TRPM1: variants seen among roughly 807,000 people sequenced by gnomAD.
TRPM1 encodes TRPM1-203 APA Isoform, Intron 10.
Under a neutral mutation model 149.4 loss-of-function variants are expected in TRPM1, and 113 were observed. The ratio of observed to expected loss-of-function variants is 0.76; its 90% CI spans 0.65 to 0.88. The LOEUF (loss-of-function observed/expected upper bound fraction) is 0.88. Among genes scored for constraint, TRPM1 ranks in the 40% least tolerant of loss-of-function variants. TRPM1 has a pLI of 0.00. For missense variants in TRPM1, 1,976 were observed against 2,038.7 expected (o/e 0.97, Z 0.59); for synonymous variants, 741 against 759.5 (o/e 0.98, Z 0.40).
In TRPM1 at chr15:31,123,640, G is replaced by A. The variant is rs572126432; in HGVS notation, c.54+37266C>T. On this transcript the variant is annotated intron_variant, in intron 1 of 26. Coordinates refer to the TRPM1 transcript ENST00000542188. ...ACATCATTTGTTATTGGGAATATAA[G>A]GAACCATGGGATACTACTACGCATC... Among the ~76,000 whole-genome samples, 141 of 152,230 alleles carry A rather than the reference G, an allele frequency of 9.3e-4. 1 individual carries two copies. The highest frequency in any genetic ancestry group is 3.3e-3 in the African/African-American group (137 of 41,542).
At chr15:31,088,539 T>A (rs1567045308) in intron 1 of TRPM1, among the ~76,000 whole-genome samples, 1 of 152,126 alleles carries the variant, frequency 6.6e-6, no homozygotes, top group Non-Finnish European at 1.5e-5. Context: ...TTAAGAGCTG[T>A]AACACTTGCT....
At chr15:31,027,667 G>A (rs1199094595) in intron 25 of TRPM1, among the ~76,000 whole-genome samples, 1 of 152,150 alleles carries the variant, frequency 6.6e-6, no homozygotes, top group African/African-American at 2.4e-5. Flanking sequence ...CCTGACCTTA[G>A]TTTTCTCATC....
chr15:31,116,715 G>T (rs933176604), intron 1 of TRPM1, among the ~76,000 whole-genome samples: 3 of 152,098 alleles, frequency 2.0e-5, no homozygotes, highest in Admixed American at 1.3e-4. Flanking sequence ...CTGAAAAACT[G>T]CAAGGCTTAG....
Position 31,050,543 on chromosome 15 carries a change from T to A in TRPM1, c.1303A>T (p.Thr435Ser), listed in dbSNP as rs2033919370. 6.2e-7 allele frequency: 1 copy of A among 1,613,988 alleles called. No homozygotes were observed. Among genetic ancestry groups the A allele is most frequent in the Admixed American group, 1.7e-5 (1 of 59,992 alleles). The stretch of plus-strand genomic sequence containing the variant: ...ATGGGTGGCTTCTTCTCCTTCTCCG[T>A]GGCTTTGCTGTCCGTCGGGGGTGCC... ...SLAPPTDSKA[T>S]EKEKKPPMAT... is the part of the protein sequence containing the mutation. The change falls in exon 12 of 28, where the codon ACG becomes TCG. Residue 435 changes from threonine (T) to serine (S), a missense_variant. Thr to Ser is a moderately conservative substitution (Grantham distance 58, BLOSUM62 1). This residue lies in a region of TRPM1 where 1,332 missense variants were observed against 1,347.1 expected (regional missense o/e 0.99). Coordinates refer to ENST00000256552, the MANE Select transcript of TRPM1 (RefSeq NM_001252024.2).
At chr15:31,094,293 A>C (rs1189579962) in intron 1 of TRPM1, among the ~76,000 whole-genome samples, 2 of 152,218 alleles carry the variant, frequency 1.3e-5, no homozygotes, top group Non-Finnish European at 2.9e-5. Flanking sequence ...CATTATCTTC[A>C]TGATCGATGG....
At chr15:31,110,648 C>T (rs185638542) in intron 1 of TRPM1, among the ~76,000 whole-genome samples, 2 of 152,252 alleles carry the variant, frequency 1.3e-5, no homozygotes, top group South Asian at 2.1e-4. Flanking sequence ...TTGCACCACT[C>T]TTCTGCACCC....
intron 1 of TRPM1, among the ~76,000 whole-genome samples, chr15:31,151,074 C>A (rs1270634955): frequency 6.6e-6 from 1 of 152,192 alleles, no homozygotes; most frequent in African/African-American, 2.4e-5. Flanking sequence ...ATTCGGCCCC[C>A]TCTCTGTGGC....
intron 1 of TRPM1, among the ~76,000 whole-genome samples, chr15:31,109,319 G>T (rs1381654454): frequency 1.1e-5 from 1 of 95,048 alleles, no homozygotes; most frequent in Admixed American, 1.7e-4. Context: ...GGGCAACAGA[G>T]TGAGACTCTG....
At chr15:31,023,106 C>A (rs2032604452) in intron 27 of TRPM1, among the ~76,000 whole-genome samples, 4 of 152,218 alleles carry the variant, frequency 2.6e-5, no homozygotes, top group African/African-American at 9.6e-5. Flanking sequence ...TGGACCAAAC[C>A]CAGACATGGC....
At chr15:31,140,161 G>C (rs1190484482) in intron 1 of TRPM1, among the ~76,000 whole-genome samples, 2 of 149,300 alleles carry the variant, frequency 1.3e-5, no homozygotes, top group African/African-American at 4.9e-5. Context: ...GAGGACAGGA[G>C]TTTGAGACCA....
At chr15:31,082,639 G>A (rs1400274867) in intron 1 of TRPM1, among the ~76,000 whole-genome samples, 1 of 152,226 alleles carries the variant, frequency 6.6e-6, no homozygotes, top group Non-Finnish European at 1.5e-5. Context: ...CGGGAAGAAA[G>A]TCCAAGAGGA....
chr15:31,113,404 A>G (rs564110490), intron 1 of TRPM1, among the ~76,000 whole-genome samples: 244 of 150,676 alleles, frequency 1.6e-3, no homozygotes, highest in Middle Eastern at 3.4e-3. Flanking sequence ...TCACCTATGC[A>G]TACAGAATTC....
At chr15:31,081,586 C>T (rs2034859981) in intron 1 of TRPM1, 148 bp from the exon 2 acceptor site, 2 of 618,366 alleles carry the variant, frequency 3.2e-6, no homozygotes, top group African/African-American at 1.8e-5. Flanking sequence ...CCATCTACCC[C>T]AACCCCTGCG....
At position 31,067,122 on chromosome 15, in the gene TRPM1, C is replaced by T. The variant is rs779226691; in HGVS notation, c.559G>A (p.Ala187Thr). 6.8e-6 allele frequency: 11 copies of T among 1,614,056 alleles called. No individual in the cohort carries two copies. Among genetic ancestry groups the T allele is most frequent in the Middle Eastern group, 1.6e-4 (1 of 6,084 alleles). ...ATGCCCCATGGAGCAATTCCTATAG[C>T]ACAAACCCGGCCTCTGGACTTGGAG... ...HSSKSRGRVC[A>T]IGIAPWGIVE... The change falls in exon 6 of 28, where the codon GCT becomes ACT. Residue 187 changes from alanine (A) to threonine (T), a missense_variant. Around this residue, in one of 3 missense-constraint regions of TRPM1, gnomAD observed 1,332 missense variants for 1,347.1 expected, o/e 0.99. Transcript: ENST00000256552.
At chr15:31,112,378 T>G (rs1325480736) in intron 1 of TRPM1, among the ~76,000 whole-genome samples, 1 of 152,192 alleles carries the variant, frequency 6.6e-6, no homozygotes, top group African/African-American at 2.4e-5. Flanking sequence ...CTCAGGAGGC[T>G]GAAGCAGGAG....
intron 1 of TRPM1, among the ~76,000 whole-genome samples, chr15:31,085,489 G>T (rs567134805): frequency 1.2e-3 from 183 of 152,294 alleles, no homozygotes; most frequent in Middle Eastern, 6.8e-3. Flanking sequence ...TGTCAACATT[G>T]TCGGGGCTTT....
At chr15:31,151,457 C>T (rs1265097053) in intron 1 of TRPM1, among the ~76,000 whole-genome samples, 1 of 152,254 alleles carries the variant, frequency 6.6e-6, no homozygotes, top group Admixed American at 6.5e-5. Context: ...CCCCTTGTCT[C>T]TCATAGCCTG....
chr15:31,013,015 C>G (rs2032242296), intron 27 of TRPM1, among the ~76,000 whole-genome samples: 1 of 133,098 alleles, frequency 7.5e-6, no homozygotes. Flanking sequence ...CTGTCTTGCT[C>G]TATTGTCCAG....
chr15:31,062,897 G>T, intron 8 of TRPM1, 195 bp from the exon 9 acceptor site: 2 of 966,662 alleles, frequency 2.1e-6, no homozygotes, highest in Non-Finnish European at 3.1e-6. Flanking sequence ...CTTTCTAAGG[G>T]CAAATGAAGT....
Sources: allele counts gnomAD v4.1 joint callset (sites outside exome capture counted in the v4.1 genomes callset), GRCh38; gene constraint gnomAD v4.1.1; regional missense constraint gnomAD v4.1.1; transcripts MANE v1.5; gene names NCBI Gene and HGNC (gene_info 2026-07-23, HGNC 2026-07-21).